Variants in NPAS3 observed in about 807,000 individuals in gnomAD.
NPAS3 encodes neuronal PAS domain-containing protein 3.
NPAS3 carries 14 observed loss-of-function variants against 73.1 expected under a neutral mutation model. The ratio of observed to expected loss-of-function variants is 0.19; its 90% CI spans 0.13 to 0.30. NPAS3 has a LOEUF of 0.30. Among genes scored for constraint, NPAS3 ranks in the 10% least tolerant of loss-of-function variants. The probability of loss-of-function intolerance (pLI) is 1.00; values close to 1 mark genes in which losing one functional copy is unlikely to be tolerated. For synonymous variants in NPAS3, 620 were observed against 541.5 expected, an observed-to-expected ratio of 1.14 and a Z score of -2.01; for missense variants, 1,096 against 1,250.0, an observed-to-expected ratio of 0.88 and a Z score of 1.86.
At chr14:33,106,258 G>A (rs768684582) in intron 2 of NPAS3, among the ~76,000 whole-genome samples, 17 of 152,090 alleles carry the variant, frequency 1.1e-4, no homozygotes, top group Non-Finnish European at 2.2e-4. Flanking sequence ...ATTATTTTGA[G>A]AAGAAAAGAA....
intron 5 of NPAS3, among the ~76,000 whole-genome samples, chr14:33,658,294 G>A (rs190745783): frequency 1.3e-5 from 2 of 152,334 alleles, no homozygotes; most frequent in Admixed American, 1.3e-4. Context: ...AAGACAGATA[G>A]AGGAGAAACA....
chr14:33,607,360 A>G (rs184918523), intron 5 of NPAS3, among the ~76,000 whole-genome samples: 33 of 152,218 alleles, frequency 2.2e-4, no homozygotes, highest in Non-Finnish European at 4.1e-4. Context: ...ACACATTACA[A>G]CATAAATGAA....
chr14:33,237,255 G>T (rs972166162), intron 3 of NPAS3, among the ~76,000 whole-genome samples: 7 of 152,158 alleles, frequency 4.6e-5, no homozygotes, highest in Middle Eastern at 3.4e-3. Flanking sequence ...GCTCATTGAT[G>T]TAATTTTACT....
intron 3 of NPAS3, among the ~76,000 whole-genome samples, chr14:33,261,548 C>T (rs1329046105): frequency 6.6e-6 from 1 of 152,070 alleles, no homozygotes; most frequent in African/African-American, 2.4e-5. Flanking sequence ...TATATGTACA[C>T]TATTCACAGT....
intron 2 of NPAS3, among the ~76,000 whole-genome samples, chr14:33,099,755 T>C (rs778331575): frequency 2.0e-5 from 3 of 152,178 alleles, no homozygotes; most frequent in Non-Finnish European, 2.9e-5. Flanking sequence ...TTAGAAATTA[T>C]ATACCTATGT....
intron 3 of NPAS3, among the ~76,000 whole-genome samples, chr14:33,288,382 G>A (rs1450749583): frequency 6.6e-6 from 1 of 152,006 alleles, no homozygotes; most frequent in Non-Finnish European, 1.5e-5. Context: ...AAAGCCATTT[G>A]TCCCCATCTG....
Position 33,612,408 on chromosome 14 carries a change from C to CA in NPAS3, c.558+52199dup, listed in dbSNP as rs1311889096. On this transcript the variant is annotated intron_variant, in intron 5 of 11. Coordinates refer to ENST00000356141, the Ensembl canonical transcript of NPAS3. ...TTGTCTTTTCTACCCTCCACAGGCA[C>CA]AGACACTGTGTTCACCTCTCCAGTC... The CA allele has an allele frequency of 2.0e-5, 9 of 456,034 alleles. No individual in the cohort carries two copies. The East Asian group carries it at 5.6e-4, about 28-fold the overall frequency. 28.2% of individuals were successfully genotyped at this position (456,034 alleles called of 1,614,324 possible). A position where few individuals can be genotyped will look rare whatever the true frequency, so the allele number is the denominator to read the frequency against.
intron 7 of NPAS3, among the ~76,000 whole-genome samples, chr14:33,751,284 G>C (rs1007337951): frequency 6.6e-6 from 1 of 152,210 alleles, no homozygotes; most frequent in Admixed American, 6.5e-5. Flanking sequence ...AAGGGAGTAA[G>C]TATATAGATT....
chr14:33,190,984 T>C (rs1172445333), intron 2 of NPAS3, among the ~76,000 whole-genome samples: 2 of 152,218 alleles, frequency 1.3e-5, no homozygotes, highest in South Asian at 4.1e-4. Flanking sequence ...CAATTCTTTA[T>C]TGTCTTTCCA....
At chr14:33,373,953 G>A (rs2046207237) in intron 4 of NPAS3, among the ~76,000 whole-genome samples, 1 of 152,080 alleles carries the variant, frequency 6.6e-6, no homozygotes, top group African/African-American at 2.4e-5. Context: ...CAACATAAGT[G>A]GGGGAATGAT....
intron 2 of NPAS3, among the ~76,000 whole-genome samples, chr14:33,209,658 T>A (rs1322954744): frequency 1.3e-5 from 2 of 152,158 alleles, no homozygotes; most frequent in Non-Finnish European, 2.9e-5. Context: ...ATAGTAGAAG[T>A]ATGTAGTGCT....
intron 1 of NPAS3, among the ~76,000 whole-genome samples, chr14:32,985,078 T>C (rs1595153640): frequency 6.6e-6 from 1 of 151,832 alleles, no homozygotes; most frequent in East Asian, 1.9e-4. Flanking sequence ...TAAATTGTGG[T>C]AATGATTATT....
chr14:33,021,917 C>G (rs931462217), intron 1 of NPAS3, among the ~76,000 whole-genome samples: 2 of 152,112 alleles, frequency 1.3e-5, no homozygotes, highest in African/African-American at 4.8e-5. Context: ...TCCCATAAAA[C>G]TACATGTCAA....
chr14:33,262,339 C>A (rs941253959), intron 3 of NPAS3, among the ~76,000 whole-genome samples: 2 of 152,164 alleles, frequency 1.3e-5, no homozygotes, highest in African/African-American at 4.8e-5. Context: ...TACAGTTCTA[C>A]TTTTTGCTCC....
chr14:33,046,154 G>A (rs1004097908), intron 1 of NPAS3, among the ~76,000 whole-genome samples: 1 of 152,190 alleles, frequency 6.6e-6, no homozygotes, highest in Non-Finnish European at 1.5e-5. Context: ...GTATATGTGG[G>A]TCTGCCAGGG....
intron 5 of NPAS3, among the ~76,000 whole-genome samples, chr14:33,645,065 G>T (rs957905123): frequency 2.8e-5 from 4 of 141,718 alleles, no homozygotes; most frequent in South Asian, 2.2e-4. Context: ...TGGGCAACAA[G>T]AGTGAAACTC....
intron 1 of NPAS3, among the ~76,000 whole-genome samples, chr14:32,948,219 G>A (rs2036341240): frequency 6.6e-6 from 1 of 152,078 alleles, no homozygotes; most frequent in African/African-American, 2.4e-5. Flanking sequence ...CTTGAATGCT[G>A]TTTCTTCTTT....
chr14:33,568,257 T>G (rs2056058499), intron 5 of NPAS3, among the ~76,000 whole-genome samples: 1 of 152,200 alleles, frequency 6.6e-6, no homozygotes, highest in Admixed American at 6.5e-5. Context: ...GTCTGTAATT[T>G]ATTCATATTT....
chr14:33,661,397 G>A (rs1358795310), intron 5 of NPAS3, among the ~76,000 whole-genome samples: 1 of 152,160 alleles, frequency 6.6e-6, no homozygotes, highest in Admixed American at 6.5e-5. Flanking sequence ...CTCTAACCCT[G>A]CCCCGTTCAG....
Sources: allele counts gnomAD v4.1 joint callset (sites outside exome capture counted in the v4.1 genomes callset), GRCh38; gene constraint gnomAD v4.1.1; transcripts MANE v1.5; gene names NCBI Gene and HGNC (gene_info 2026-07-23, HGNC 2026-07-21).